SORBS2: variants seen among roughly 807,000 people sequenced by gnomAD.
SORBS2 encodes sorbin and SH3 domain-containing protein 2.
In SORBS2, 46 loss-of-function variants were observed where a neutral mutation model predicts 97.7. That is an observed-to-expected ratio of 0.47 (90% CI 0.37 to 0.60). The LOEUF (loss-of-function observed/expected upper bound fraction) is 0.60, where lower values mean the gene tolerates loss of function less well. SORBS2 is among the 20% of genes least tolerant of loss of function. The pLI is 0.00. For missense variants in SORBS2, 1,316 were observed against 1,282.3 expected, an observed-to-expected ratio of 1.03 and a Z score of -0.40; for synonymous variants, 476 against 473.4, an observed-to-expected ratio of 1.01 and a Z score of -0.07.
intron 1 of SORBS2, among the ~76,000 whole-genome samples, chr4:185,926,713 C>T (rs1428162326): frequency 1.3e-5 from 2 of 152,058 alleles, no homozygotes; most frequent in African/African-American, 4.8e-5. Flanking sequence ...GCCCATATCT[C>T]TGTTTACTTA....
exon 1 of SORBS2, chr4:185,656,726 G>T (rs11726561): frequency 1.3e-6 from 2 of 1,544,880 alleles, no homozygotes; most frequent in Non-Finnish European, 1.7e-6. Flanking sequence ...CAGGCTCTCA[G>T]AAGCTGCCTC....
intron 1 of SORBS2, among the ~76,000 whole-genome samples, chr4:185,870,674 A>C (rs1021594826): frequency 2.6e-5 from 4 of 152,222 alleles, no homozygotes; most frequent in Non-Finnish European, 4.4e-5. Context: ...GTGAGTGCGC[A>C]GGTCGTGAGG....
At chr4:185,650,632 T>C (rs1198645521) in intron 2 of SORBS2, among the ~76,000 whole-genome samples, 1 of 152,164 alleles carries the variant, frequency 6.6e-6, no homozygotes, top group African/African-American at 2.4e-5. Context: ...CTAATTCTAT[T>C]TGTACCCGTT....
At chr4:185,820,077 C>T (rs2099195795) in intron 1 of SORBS2, among the ~76,000 whole-genome samples, 1 of 152,102 alleles carries the variant, frequency 6.6e-6, no homozygotes, top group Non-Finnish European at 1.5e-5. Context: ...ATTTATGGTG[C>T]GGCACTGGGT....
At chr4:185,692,478 A>G (rs940381250) in intron 2 of SORBS2, among the ~76,000 whole-genome samples, 4 of 152,218 alleles carry the variant, frequency 2.6e-5, no homozygotes, top group African/African-American at 9.6e-5. Flanking sequence ...TTTGTCTGCC[A>G]AGGTTCTCAC....
chr4:185,873,122 C>G (rs138862407), intron 1 of SORBS2, among the ~76,000 whole-genome samples: 1 of 152,270 alleles, frequency 6.6e-6, no homozygotes, highest in East Asian at 1.9e-4. Flanking sequence ...CGTGTTTTCC[C>G]CAACAACTCA....
At chr4:185,915,544 T>C (rs1183395923) in intron 1 of SORBS2, among the ~76,000 whole-genome samples, 2 of 152,206 alleles carry the variant, frequency 1.3e-5, no homozygotes, top group South Asian at 2.1e-4. Flanking sequence ...CTGCAGACGT[T>C]TGACATCTAT....
intron 2 of SORBS2, among the ~76,000 whole-genome samples, 200 bp from the exon 12 acceptor site, chr4:185,649,856 T>C (rs775457854): frequency 1.3e-5 from 2 of 152,238 alleles, no homozygotes; most frequent in Non-Finnish European, 2.9e-5. Context: ...ATTTATTAAT[T>C]ACAAATTTAT....
At chr4:185,809,581 G>T (rs77810421) in intron 1 of SORBS2, among the ~76,000 whole-genome samples, 7,651 of 150,542 alleles carry the variant, frequency 0.051, 281 homozygotes, top group Non-Finnish European at 0.079. Context: ...AGCCATAAGC[G>T]AAAGTGCAAA....
chr4:185,777,270 C>G (rs1029635695), intron 1 of SORBS2, among the ~76,000 whole-genome samples: 7 of 152,066 alleles, frequency 4.6e-5, no homozygotes, highest in Admixed American at 6.6e-5. Context: ...TTTTTCTTTT[C>G]ACTTATTTTA....
At chr4:185,599,623 T>A (rs942389724) in intron 12 of SORBS2, among the ~76,000 whole-genome samples, 1 of 152,242 alleles carries the variant, frequency 6.6e-6, no homozygotes, top group Non-Finnish European at 1.5e-5. Flanking sequence ...GCACTGTAGA[T>A]GCTTGGCAAC....
rs1248999786 is a variant in SORBS2 at position 185,626,816 on chromosome 4, C to A, written c.634+16G>T. The A allele has an allele frequency of 6.2e-6, 10 of 1,612,290 alleles. No individual in the cohort carries two copies. In the South Asian group the frequency reaches 1.1e-4, roughly 18 times the overall value. On this transcript the variant is annotated intron_variant, in intron 6 of 14. Transcript: ENST00000418609. ...GTAAACTAGTAAATTGTTGTGTTTT[C>A]ATTTACTATGCTCACCTTTTGCTCT... is the stretch of plus-strand genomic sequence containing the variant.
chr4:185,817,412 T>C (rs1033789903), intron 1 of SORBS2, among the ~76,000 whole-genome samples: 1 of 152,190 alleles, frequency 6.6e-6, no homozygotes, highest in Non-Finnish European at 1.5e-5. Flanking sequence ...TACTTCATAA[T>C]GATAAGCTTA....
intron 2 of SORBS2, among the ~76,000 whole-genome samples, chr4:185,686,147 T>C (rs1429860802): frequency 1.3e-5 from 2 of 152,192 alleles, no homozygotes; most frequent in Non-Finnish European, 2.9e-5. Flanking sequence ...TAACCACCGA[T>C]ATAATAATAT....
chr4:185,883,723 G>A (rs945234555), intron 1 of SORBS2, among the ~76,000 whole-genome samples: 2 of 152,212 alleles, frequency 1.3e-5, no homozygotes, highest in African/African-American at 4.8e-5. Flanking sequence ...GTGGTGGCAT[G>A]TGCCTGTAGT....
intron 1 of SORBS2, among the ~76,000 whole-genome samples, chr4:185,845,260 T>C (rs1440509950): frequency 6.6e-6 from 1 of 152,134 alleles, no homozygotes. Flanking sequence ...GCTCAAGCGA[T>C]CCTCCCACCT....
chr4:185,940,092 T>C (rs2099271111), intron 1 of SORBS2, among the ~76,000 whole-genome samples: 1 of 152,192 alleles, frequency 6.6e-6, no homozygotes, highest in Non-Finnish European at 1.5e-5. Context: ...TTTCTCTGTC[T>C]CTTCAGAGAA....
chr4:185,879,005 T>TTTTG (rs372565455), intron 1 of SORBS2, among the ~76,000 whole-genome samples: 138 of 152,192 alleles, frequency 9.1e-4, no homozygotes, highest in African/African-American at 3.1e-3. Flanking sequence ...TCGGCTTTGT[T>TTTTG]TTTGTTTGTT....
intron 1 of SORBS2, among the ~76,000 whole-genome samples, chr4:185,655,801 T>A (rs1420037266): frequency 6.6e-6 from 1 of 152,214 alleles, no homozygotes; most frequent in African/African-American, 2.4e-5. Flanking sequence ...TTAAGGAAAT[T>A]ATGTCTTATA....
Sources: allele counts gnomAD v4.1 joint callset (sites outside exome capture counted in the v4.1 genomes callset), GRCh38; gene constraint gnomAD v4.1.1; transcripts MANE v1.5; gene names NCBI Gene and HGNC (gene_info 2026-07-23, HGNC 2026-07-21).